The following HMBOX1 variants were observed in gnomAD, a reference collection of about 807,000 sequenced individuals.
HMBOX1 encodes the protein homeobox-containing protein 1.
Under a neutral mutation model 54.5 loss-of-function variants are expected in HMBOX1, and 14 were observed. The ratio of observed to expected loss-of-function variants is 0.26; its 90% CI spans 0.17 to 0.40. The LOEUF (loss-of-function observed/expected upper bound fraction) is 0.40. HMBOX1 is among the 10% of genes least tolerant of loss of function. The pLI, the probability that HMBOX1 is intolerant of heterozygous loss-of-function variation, is 1.00. For synonymous variants in HMBOX1, 160 were observed against 181.0 expected (o/e 0.88, Z 0.93); for missense variants, 332 against 514.4 (o/e 0.65, Z 3.43).
intron 2 of HMBOX1, among the ~76,000 whole-genome samples, chr8:28,965,791 A>G (rs1171254188): frequency 1.3e-5 from 2 of 152,188 alleles, no homozygotes; most frequent in Non-Finnish European, 2.9e-5. Context: ...TCTTGAGTGT[A>G]TATGTATTTT....
At chr8:28,978,715 AG>A (rs1828841599) in intron 3 of HMBOX1, among the ~76,000 whole-genome samples, 1 of 135,974 alleles carries the variant, frequency 7.4e-6, no homozygotes, top group South Asian at 2.5e-4. Context: ...TGCGCCCGGT[AG>A]GTGGAGCTTG....
In HMBOX1 at chr8:28,925,209, C is replaced by T. The variant is rs563873176; in HGVS notation, c.-58+34531C>T. Among the ~76,000 whole-genome samples the T allele has an allele frequency of 9.9e-5, 15 of 152,222 alleles. No individual in the cohort carries two copies. In the South Asian group the frequency reaches 2.9e-3, roughly 30 times the overall value. ...AAATCAGGTTTTAGTAGAACACAGG[C>T]GTACACATTTTGTTGGTGTATTGTC... is the stretch of plus-strand genomic sequence containing the variant. On this transcript the variant is annotated intron_variant, in intron 1 of 9. Coordinates refer to ENST00000287701, the MANE Select transcript of HMBOX1 (RefSeq NM_001135726.3).
At position 28,960,753 on chromosome 8, in the gene HMBOX1, C is replaced by CTTTTTTTTTTTTTTTTTTTTTTTTTT. The variant is rs1023356056; in HGVS notation, c.-57-3053_-57-3052insTTTTTTTTTTTTTTTTTTTTTTTTTT. ...ATAATTGTAAACTTATTCTCTTTTT[C>CTTTTTTTTTTTTTTTTTTTTTTTTTT]TTTTTCTTTTTCTTTTTTTTTTTTT... On this transcript the variant is annotated intron_variant, in intron 1 of 9. Transcript: ENST00000287701. 3.0e-5 allele frequency among the ~76,000 whole-genome samples: 2 copies of CTTTTTTTTTTTTTTTTTTTTTTTTTT among 65,658 alleles called. 1 individual carries two copies. The allele number at this position is 65,658 out of a possible 152,430, so 43.1% of individuals were successfully genotyped here. A position where few individuals can be genotyped will look rare whatever the true frequency, so the allele number is the denominator to read the frequency against.
chr8:29,016,913 C>T (rs911043597), intron 5 of HMBOX1, among the ~76,000 whole-genome samples: 3 of 152,216 alleles, frequency 2.0e-5, no homozygotes, highest in Non-Finnish European at 2.9e-5. Flanking sequence ...GTCGCACAGC[C>T]TAATCATGGT....
rs566028878 is a variant in HMBOX1 at position 29,016,040 on chromosome 8, A to G, written c.698-2720A>G. ...AGTAGTTAAATATTTACTTTCCATC[A>G]CATGCTATAAGAAATCACATACATA... is the stretch of plus-strand genomic sequence containing the variant. On this transcript the variant is annotated intron_variant, in intron 5 of 9. Coordinates refer to ENST00000287701, the MANE Select transcript of HMBOX1 (RefSeq NM_001135726.3). Among the ~76,000 whole-genome samples the G allele has an allele frequency of 1.3e-5, 2 of 152,364 alleles. 1 individual carries two copies. Among genetic ancestry groups the G allele is most frequent in the South Asian group, 4.1e-4 (2 of 4,832 alleles).
intron 3 of HMBOX1, among the ~76,000 whole-genome samples, chr8:28,973,478 CACTT>C (rs1169555961): frequency 6.6e-6 from 1 of 152,210 alleles, no homozygotes; most frequent in South Asian, 2.1e-4. Flanking sequence ...TCAAAACAAT[CACTT>C]ACCACATGAA....
chr8:28,963,204 G>A (rs945539740), intron 1 of HMBOX1, among the ~76,000 whole-genome samples: 10 of 151,978 alleles, frequency 6.6e-5, no homozygotes, highest in African/African-American at 1.7e-4. Flanking sequence ...GGCTGGTCTC[G>A]AACTCCTGAC....
intron 4 of HMBOX1, among the ~76,000 whole-genome samples, chr8:29,002,911 A>C (rs905803898): frequency 5.3e-5 from 8 of 152,132 alleles, no homozygotes; most frequent in African/African-American, 1.4e-4. Context: ...CTTTTCTCTT[A>C]ATTTTTCCCC....
chr8:29,025,096 C>T (rs1801818956), intron 6 of HMBOX1, among the ~76,000 whole-genome samples: 1 of 152,060 alleles, frequency 6.6e-6, no homozygotes, highest in Non-Finnish European at 1.5e-5. Flanking sequence ...GTAACCTATG[C>T]ATGACTGCTG....
intron 1 of HMBOX1, among the ~76,000 whole-genome samples, chr8:28,933,642 G>A (rs2221894): frequency 0.64 from 97,238 of 151,972 alleles, 31,300 homozygotes; most frequent in East Asian, 0.75. Context: ...ACAAACGTTG[G>A]AAGAATAATA....
At chr8:28,978,323 CAG>C (rs1256909562) in intron 3 of HMBOX1, among the ~76,000 whole-genome samples, 1 of 152,182 alleles carries the variant, frequency 6.6e-6, no homozygotes, top group African/African-American at 2.4e-5. Context: ...AAATAGTCTA[CAG>C]AGAGATGTGA....
intron 1 of HMBOX1, among the ~76,000 whole-genome samples, chr8:28,936,888 C>T (rs1355494091): frequency 6.7e-6 from 1 of 150,016 alleles, no homozygotes; most frequent in African/African-American, 2.5e-5. Flanking sequence ...AAAAAATGTT[C>T]ATTCTACTTT....
At chr8:28,892,116 G>A (rs568314458) in intron 1 of HMBOX1, among the ~76,000 whole-genome samples, 1 of 152,158 alleles carries the variant, frequency 6.6e-6, no homozygotes, top group South Asian at 2.1e-4. Flanking sequence ...ATATGGTTGT[G>A]CTTTTTGTGG....
chr8:28,968,948 C>A (rs900881354), intron 2 of HMBOX1, among the ~76,000 whole-genome samples: 1 of 151,994 alleles, frequency 6.6e-6, no homozygotes, highest in Non-Finnish European at 1.5e-5. Context: ...CCGAGGCGGG[C>A]GAATCACCTG....
Position 28,963,054 on chromosome 8 carries a change from G to A in HMBOX1, c.-57-757G>A, listed in dbSNP as rs569026938. 3.3e-5 allele frequency among the ~76,000 whole-genome samples: 5 copies of A among 152,222 alleles called. 1 individual carries two copies. The South Asian group carries it at 6.2e-4, about 19-fold the overall frequency. On this transcript the variant is annotated intron_variant, in intron 1 of 9. Coordinates refer to ENST00000287701, the MANE Select transcript of HMBOX1 (RefSeq NM_001135726.3). ...GGCTAGAGTGTGATGGTGCGATCTC[G>A]GTTCACTGCAACCGCCGCCTCCCAG...
chr8:28,993,370 A>G (rs951271609), intron 4 of HMBOX1, among the ~76,000 whole-genome samples: 2 of 152,192 alleles, frequency 1.3e-5, no homozygotes, highest in African/African-American at 2.4e-5. Context: ...AATTTATCCT[A>G]TAGAAATATT....
intron 1 of HMBOX1, among the ~76,000 whole-genome samples, chr8:28,960,780 T>TTTTTTTTTTTTTTG (rs1825414471): frequency 2.3e-5 from 1 of 43,386 alleles, no homozygotes; most frequent in Admixed American, 2.6e-4. Flanking sequence ...TTTTTTTTTT[T>TTTTTTTTTTTTTTG]TTTTTTTTTT....
intron 1 of HMBOX1, among the ~76,000 whole-genome samples, chr8:28,941,870 T>C (rs1428626219): frequency 6.6e-6 from 1 of 152,208 alleles, no homozygotes; most frequent in Non-Finnish European, 1.5e-5. Flanking sequence ...TAACTTTTAG[T>C]TTCCTCTTGC....
rs952161957 is a variant in HMBOX1, at chr8:28,891,875, C to T, written c.-58+1197C>T. Reference sequence around the variant, plus strand: ...ATAAAGTGATTACTGTTTTTATTTACGCTGAAGCTTAAAAAAAATCACCCA... The same window carrying T: ...ATAAAGTGATTACTGTTTTTATTTATGCTGAAGCTTAAAAAAAATCACCCA... On this transcript the variant is annotated intron_variant, in intron 1 of 9. Transcript: ENST00000287701. The T allele has an allele frequency of 2.6e-5, 4 of 152,122 alleles. No individual in the cohort carries two copies. In the East Asian group the frequency reaches 7.7e-4, roughly 29 times the overall value. The allele number at this position is 152,122 out of a possible 1,614,324, so 9.4% of individuals were successfully genotyped here.
Sources: gnomAD v4.1 joint callset for allele counts (sites outside exome capture counted in the v4.1 genomes callset) on GRCh38, gnomAD v4.1.1 for gene constraint, MANE v1.5 for transcripts, NCBI Gene and HGNC (gene_info 2026-07-23, HGNC 2026-07-21) for gene names.